GMDS: variants seen among roughly 807,000 people sequenced by gnomAD.
GMDS encodes the protein GDP-mannose 4,6-dehydratase, also known as GDP-mannose 4,6 dehydratase.
GMDS carries 20 observed loss-of-function variants against 49.9 expected under a neutral mutation model. The ratio of observed to expected loss-of-function variants is 0.40; its 90% CI spans 0.28 to 0.58. GMDS has a LOEUF of 0.58. GMDS is among the 20% of genes least tolerant of loss of function. The probability of loss-of-function intolerance (pLI) is 0.42; values close to 1 mark genes in which losing one functional copy is unlikely to be tolerated. For missense variants in GMDS, 362 were observed against 481.4 expected (o/e 0.75, Z 2.32); for synonymous variants, 177 against 178.6 (o/e 0.99, Z 0.07).
intron 3 of GMDS, 81 bp from the exon 4 acceptor site, chr6:2,115,961 T>A: frequency 1.2e-6 from 1 of 841,704 alleles, no homozygotes; most frequent in Non-Finnish European, 2.0e-6. Context: ...TTGAAATGCA[T>A]ATTTGGAAAG....
chr6:2,043,121 G>A (rs555351098), intron 4 of GMDS, among the ~76,000 whole-genome samples: 8 of 152,280 alleles, frequency 5.3e-5, no homozygotes, highest in South Asian at 2.1e-4. Context: ...GGTTCCTGCC[G>A]TCACTCAGCA....
chr6:2,172,469 G>A (rs1309231068), intron 1 of GMDS, among the ~76,000 whole-genome samples: 3 of 152,158 alleles, frequency 2.0e-5, no homozygotes, highest in Non-Finnish European at 2.9e-5. Context: ...GAGGCAGGTG[G>A]ATCACGAGGT....
chr6:1,884,179 T>C (rs1275705439), intron 7 of GMDS, among the ~76,000 whole-genome samples: 1 of 152,230 alleles, frequency 6.6e-6, no homozygotes, highest in Non-Finnish European at 1.5e-5. Flanking sequence ...CCCAATCAAA[T>C]ATCTATGTGA....
At chr6:1,755,550 A>AT (rs1767908574) in intron 7 of GMDS, among the ~76,000 whole-genome samples, 1 of 151,866 alleles carries the variant, frequency 6.6e-6, no homozygotes, top group Non-Finnish European at 1.5e-5. Context: ...GAACCAAAAA[A>AT]ATGCCCGTAT....
chr6:1,822,898 G>A (rs1317343009), intron 7 of GMDS, among the ~76,000 whole-genome samples: 2 of 152,072 alleles, frequency 1.3e-5, no homozygotes, highest in Non-Finnish European at 2.9e-5. Context: ...CCGATTAAGA[G>A]AAGTCTGACA....
intron 7 of GMDS, among the ~76,000 whole-genome samples, chr6:1,909,519 C>T (rs1172630617): frequency 6.6e-6 from 1 of 152,078 alleles, no homozygotes; most frequent in Non-Finnish European, 1.5e-5. Flanking sequence ...TGTAAGCTGC[C>T]CTCCTTTTGA....
chr6:1,819,771 A>AT (rs1770811758), intron 7 of GMDS, among the ~76,000 whole-genome samples: 1 of 128,432 alleles, frequency 7.8e-6, no homozygotes, highest in South Asian at 3.2e-4. Flanking sequence ...AAAAAAAAAA[A>AT]AAAAAATATA....
chr6:2,124,631 CCG>C, intron 2 of GMDS, 54 bp downstream of exon 2: 2 of 1,323,614 alleles, frequency 1.5e-6, no homozygotes, highest in Non-Finnish European at 2.2e-6. Context: ...AAGCATGTGG[CCG>C]CTGCATGCGA....
intron 4 of GMDS, among the ~76,000 whole-genome samples, chr6:2,001,450 C>T (rs1008732636): frequency 6.6e-6 from 1 of 152,094 alleles, no homozygotes; most frequent in Non-Finnish European, 1.5e-5. Flanking sequence ...CATTCTCTTT[C>T]TTCATGGTAT....
At position 1,635,177 on chromosome 6, in the gene GMDS, G is replaced by A. The variant is rs1228776670; in HGVS notation, c.988-10637C>T. The stretch of plus-strand genomic sequence containing the variant: ...TCTCTCATATCATTCCATGGAGCAC[G>A]CCTTCTTGTTTTGATCCTGATTTGA... On this transcript the variant is annotated intron_variant, in intron 9 of 10. Coordinates refer to ENST00000380815, the MANE Select transcript of GMDS (RefSeq NM_001500.4). The surrounding 1 kb of genome is among the most constrained non-coding windows in gnomAD (Gnocchi z 4.7). Among the ~76,000 whole-genome samples the A allele has an allele frequency of 2.0e-5, 3 of 152,112 alleles. No individual in the cohort carries two copies. The highest frequency in any genetic ancestry group is 4.4e-5 in the Non-Finnish European group (3 of 68,016).
intron 6 of GMDS, among the ~76,000 whole-genome samples, chr6:1,949,418 A>C (rs1002723658): frequency 2.0e-5 from 3 of 152,228 alleles, no homozygotes; most frequent in African/African-American, 7.2e-5. Flanking sequence ...GACAGTTATC[A>C]GTTTGGTTTC....
chr6:2,017,766 T>C (rs767009154), intron 4 of GMDS, among the ~76,000 whole-genome samples: 9 of 152,192 alleles, frequency 5.9e-5, no homozygotes, highest in African/African-American at 1.9e-4. Context: ...TCATATGTTA[T>C]ATGTATTATA....
At chr6:1,652,409 T>TA (rs1464791165) in intron 9 of GMDS, among the ~76,000 whole-genome samples, 14 of 1,834 alleles carry the variant, frequency 7.6e-3, no homozygotes, top group African/African-American at 0.016. Context: ...TATATATATA[T>TA]TATATATAAT....
chr6:1,938,618 T>C (rs1445273780), intron 6 of GMDS, among the ~76,000 whole-genome samples: 1 of 152,158 alleles, frequency 6.6e-6, no homozygotes, highest in Non-Finnish European at 1.5e-5. Context: ...TCTTTGGTAT[T>C]CTGGGGTTTC....
chr6:1,999,907 TA>T (rs1322283502), intron 4 of GMDS, among the ~76,000 whole-genome samples: 12 of 102,786 alleles, frequency 1.2e-4, no homozygotes, highest in African/African-American at 4.3e-4. Flanking sequence ...ATATATAATA[TA>T]TATATTATAT....
At chr6:1,826,749 G>A (rs1771129148) in intron 7 of GMDS, among the ~76,000 whole-genome samples, 1 of 152,114 alleles carries the variant, frequency 6.6e-6, no homozygotes, top group South Asian at 2.1e-4. Context: ...AATGAAGTTT[G>A]TAGAGCTATT....
At chr6:2,183,427 A>G (rs900157980) in intron 1 of GMDS, among the ~76,000 whole-genome samples, 1 of 152,256 alleles carries the variant, frequency 6.6e-6, no homozygotes, top group Non-Finnish European at 1.5e-5. Context: ...GCCTGAAGAT[A>G]GGACTGAATT....
chr6:2,006,751 A>C (rs1227194657), intron 4 of GMDS, among the ~76,000 whole-genome samples: 2 of 152,062 alleles, frequency 1.3e-5, no homozygotes, highest in African/African-American at 4.8e-5. Flanking sequence ...CTTTCCCCTA[A>C]ATAAATTAAT....
At chr6:2,160,349 T>A (rs938682063) in intron 1 of GMDS, among the ~76,000 whole-genome samples, 5 of 152,206 alleles carry the variant, frequency 3.3e-5, no homozygotes, top group African/African-American at 1.2e-4. Context: ...TTCTAACATT[T>A]AATCTTCACT....
Sources: gnomAD v4.1 joint callset for allele counts (sites outside exome capture counted in the v4.1 genomes callset) on GRCh38, gnomAD v4.1.1 for gene constraint, Gnocchi (gnomAD v3.1) non-coding constraint, MANE v1.5 for transcripts, NCBI Gene and HGNC (gene_info 2026-07-23, HGNC 2026-07-21) for gene names.